BEST4: variants seen among roughly 807,000 people sequenced by gnomAD.
The protein encoded by BEST4 is bestrophin-4.
Under a neutral mutation model 47.1 loss-of-function variants are expected in BEST4, and 36 were observed. The ratio of observed to expected loss-of-function variants is 0.76; its 90% CI spans 0.59 to 1.01. The LOEUF is 1.01. BEST4 is among the 50% of genes least tolerant of loss of function. BEST4 has a pLI of 0.00. For synonymous variants in BEST4, 250 were observed against 277.8 expected (o/e 0.90, Z 1.00); for missense variants, 550 against 648.6 (o/e 0.85, Z 1.65).
Position 44,786,201 on chromosome 1 carries a change from T to A in BEST4, c.509A>T (p.Lys170Met), listed in dbSNP as rs1651213483. The A allele has an allele frequency of 6.2e-7, 1 of 1,613,648 alleles. No individual in the cohort carries two copies. The highest frequency in any genetic ancestry group is 1.1e-5 in the South Asian group (1 of 91,042). The stretch of plus-strand genomic sequence containing the variant: ...GAAGTCGGATTTCAGGCTCTCAAAC[T>A]TTTTCCTCTCTTCCTGGGACATGAA... The part of the protein sequence containing the change: ...AGFMSQEERK[K>M]FESLKSDFNK... Residue 170 changes from lysine to methionine, a missense_variant, in exon 4 of 9, where the codon AAG becomes ATG. Lys to Met is a moderately conservative substitution (Grantham distance 95). This residue lies in a region of BEST4 where 291 missense variants were observed against 342.4 expected (regional missense o/e 0.85). Transcript: ENST00000372207. The surrounding 1 kb of genome is among the most constrained non-coding windows in gnomAD (Gnocchi z 4.9).
upstream of BEST4, among the ~76,000 whole-genome samples, chr1:44,790,272 ACAGTGCTGGATCCTG>A (rs1422281940): frequency 2.0e-5 from 3 of 152,138 alleles, no homozygotes; most frequent in African/African-American, 7.2e-5. Flanking sequence ...CCCAGACCAA[ACAGTGCTGGATCCTG>A]GCTTTTAAGC....
chr1:44,786,754 G>A lies in BEST4; in HGVS notation c.248-58C>T. The A allele has an allele frequency of 1.5e-6, 2 of 1,375,384 alleles. No homozygotes were observed. The allele number at this position is 1,375,384 out of a possible 1,614,324, so 85.2% of individuals were successfully genotyped here. ...GGGAGAGTGGAGAGCCTGGGGGTCG[G>A]AGCGCCTCACCTCCCCCAGCAAAGG... On this transcript the variant is annotated intron_variant, in intron 2 of 8. Coordinates refer to ENST00000372207, the MANE Select transcript of BEST4 (RefSeq NM_153274.3). The surrounding 1 kb of genome is among the most constrained non-coding windows in gnomAD (Gnocchi z 4.9).
At position 44,787,674 on chromosome 1, in the gene BEST4, T is replaced by A; in HGVS notation, c.32A>T (p.Glu11Val). The change falls in exon 1 of 9, where the codon GAG (glutamate) becomes GTG (valine). Residue 11 changes from glutamate to valine, a missense_variant. By Grantham distance (121) the Glu-to-Val change is moderately radical. Coordinates refer to ENST00000372207, the MANE Select transcript of BEST4 (RefSeq NM_153274.3). The stretch of plus-strand genomic sequence containing the variant: ...GCCAGAGAAACCTCCGAAGCGGGCC[T>A]CCGCCACTTTGAGAGTGTATGAAAC... MTVSYTLKVA[E>V]ARFGGFSGLL... 2 of 1,614,110 alleles carry A rather than the reference T, an allele frequency of 1.2e-6. No homozygotes were observed.
rs1485542675 is a variant in BEST4 at position 44,784,220 on chromosome 1, A to G, written c.1412T>C (p.Leu471Pro). 2 of 1,444,208 alleles carry G rather than the reference A, an allele frequency of 1.4e-6. No homozygotes were observed. The highest frequency in any genetic ancestry group is 1.5e-5 in the African/African-American group (1 of 67,042). The allele number at this position is 1,444,208 out of a possible 1,614,324, so 89.5% of individuals were successfully genotyped here. ...GGGGCAGGCGAGACCTCAGGGCTCCAGGGCCTCGTCCCCGGACTCCGCCGA... is the reference window on the plus strand; with the variant it reads ...GGGGCAGGCGAGACCTCAGGGCTCCGGGGCCTCGTCCCCGGACTCCGCCGA... Reference protein sequence around the residue: ...EESAESGDEALEP With the variant: ...EESAESGDEAPEP Residue 471 changes from leucine (L) to proline (P), a missense_variant, in exon 9 of 9, where the codon CTG becomes CCG. Leu to Pro is a moderately conservative substitution (Grantham distance 98). This residue lies in a region of BEST4 where 255 missense variants were observed against 286.6 expected (regional missense o/e 0.89). Coordinates refer to ENST00000372207, the MANE Select transcript of BEST4 (RefSeq NM_153274.3). The surrounding 1 kb of genome is among the most constrained non-coding windows in gnomAD (Gnocchi z 6.2).
rs781304590 is a variant in BEST4 at position 44,783,869 on chromosome 1, C to T, written c.*341G>A. 1.4e-5 allele frequency: 3 copies of T among 221,760 alleles called. No homozygotes were observed. The highest frequency in any genetic ancestry group is 5.8e-5 in the Admixed American group (1 of 17,228). 13.7% of individuals were successfully genotyped at this position (221,760 alleles called of 1,614,324 possible). A position where few individuals can be genotyped will look rare whatever the true frequency, so the allele number is the denominator to read the frequency against. Reference sequence around the variant, plus strand: ...CCAGCACTCTTTTGACAAGACCTTCCGTGATGCTGATCCTTCCTTAAGTTT... The same window carrying T: ...CCAGCACTCTTTTGACAAGACCTTCTGTGATGCTGATCCTTCCTTAAGTTT... On this transcript the variant is annotated 3_prime_UTR_variant, in exon 9 of 9. Coordinates refer to ENST00000372207, the MANE Select transcript of BEST4 (RefSeq NM_153274.3).
Position 44,785,297 on chromosome 1 carries a change from G to T in BEST4, c.723C>A (p.Thr241=). ...GGGCAAAGAAAGAGTAGACGGCTAT[G>T]GTCACCACCTGGAGAATGAAGAGCC... ...SIPLVYTQVV[T]IAVYSFFALS... The change falls in exon 6 of 9, where the codon ACC becomes ACA. Residue 241 remains threonine (T), a synonymous_variant. Transcript: ENST00000372207. 6.3e-7 allele frequency: 1 copy of T among 1,595,324 alleles called. No individual in the cohort carries two copies. Among genetic ancestry groups the T allele is most frequent in the South Asian group, 1.1e-5 (1 of 88,824 alleles).
chr1:44,790,330 C>T (rs919982573), upstream of BEST4, among the ~76,000 whole-genome samples: 3 of 152,188 alleles, frequency 2.0e-5, no homozygotes, highest in African/African-American at 7.2e-5. Context: ...ACTTACCCAC[C>T]TCTACCCTCA....
In BEST4 at chr1:44,783,866, T is replaced by C. The variant is rs983211371; in HGVS notation, c.*344A>G. ...TGCCCAGCACTCTTTTGACAAGACCTTCCGTGATGCTGATCCTTCCTTAAG... is the reference window on the plus strand; with the variant it reads ...TGCCCAGCACTCTTTTGACAAGACCCTCCGTGATGCTGATCCTTCCTTAAG... On this transcript the variant is annotated 3_prime_UTR_variant, in exon 9 of 9. Coordinates refer to ENST00000372207, the MANE Select transcript of BEST4 (RefSeq NM_153274.3). The C allele has an allele frequency of 4.6e-6, 1 of 216,622 alleles. No individual in the cohort carries two copies. Among genetic ancestry groups the C allele is most frequent in the Non-Finnish European group, 9.0e-6 (1 of 111,024 alleles). 13.4% of individuals were successfully genotyped at this position (216,622 alleles called of 1,614,324 possible). A position where few individuals can be genotyped will look rare whatever the true frequency, so the allele number is the denominator to read the frequency against.
upstream of BEST4, among the ~76,000 whole-genome samples, chr1:44,789,127 G>A (rs1038541783): frequency 1.3e-5 from 2 of 151,160 alleles, no homozygotes; most frequent in African/African-American, 2.4e-5. Flanking sequence ...GTGGTGGCAC[G>A]AACTTGTAAT....
rs774553146 is a variant in BEST4, at chr1:44,784,601, C to A, written c.1148+28G>T. On this transcript the variant is annotated intron_variant, in intron 8 of 8. Transcript: ENST00000372207. This position sits in a 1 kb window ranked among gnomAD's most constrained non-coding sequence, Gnocchi z 6.2. ...AGAGGCTGAGCGAGGACCCGCGTGC[C>A]GGGTCAGGCCCAGTGCAAGCCACTC... 2 of 1,603,134 alleles carry A rather than the reference C, an allele frequency of 1.2e-6. No individual in the cohort carries two copies. Among genetic ancestry groups the A allele is most frequent in the Non-Finnish European group, 1.7e-6 (2 of 1,175,700 alleles).
upstream of BEST4, among the ~76,000 whole-genome samples, chr1:44,790,998 T>A (rs1468850399): frequency 6.6e-6 from 1 of 152,064 alleles, no homozygotes; most frequent in Non-Finnish European, 1.5e-5. Context: ...TTTCTTCTCA[T>A]CCTTCCCTCC....
In BEST4 at chr1:44,784,274, G is replaced by A. The variant is rs981199645; in HGVS notation, c.1358C>T (p.Pro453Leu). Residue 453 changes from proline to leucine, a missense_variant, in exon 9 of 9, where the codon CCC becomes CTC. Transcript: ENST00000372207. The surrounding 1 kb of genome is among the most constrained non-coding windows in gnomAD (Gnocchi z 6.2). ...LRFRAEEGGD[P>L]EAAARIEEES... ...CTCCTCGATGCGGGCTGCGGCCTCG[G>A]GGTCGCCGCCCTCCTCCGCCCGGAA... 3 of 1,435,510 alleles carry A rather than the reference G, an allele frequency of 2.1e-6. No individual in the cohort carries two copies. The highest frequency in any genetic ancestry group is 1.8e-6 in the Non-Finnish European group (2 of 1,104,734). 88.9% of individuals were successfully genotyped at this position (1,435,510 alleles called of 1,614,324 possible).
chr1:44,783,935 C>T lies in BEST4; in HGVS notation c.*275G>A, dbSNP rs1651115935. ...AGCTCCCTGTTGCTGTGAAGCTAAC[C>T]GTGCACCTGGGCTCTAGTCCTCTAT... On this transcript the variant is annotated 3_prime_UTR_variant, in exon 9 of 9. Transcript: ENST00000372207. 1 of 354,338 alleles carries T rather than the reference C, an allele frequency of 2.8e-6. No homozygotes were observed. The highest frequency in any genetic ancestry group is 4.3e-5 in the East Asian group (1 of 23,228). 21.9% of individuals were successfully genotyped at this position (354,338 alleles called of 1,614,324 possible).
At position 44,784,764 on chromosome 1, in the gene BEST4, T is replaced by C. The variant is rs1651159979; in HGVS notation, c.1013A>G (p.Asp338Gly). The C allele has an allele frequency of 1.9e-6, 3 of 1,595,496 alleles. No homozygotes were observed. The highest frequency in any genetic ancestry group is 2.7e-5 in the African/African-American group (2 of 74,720). The change falls in exon 8 of 9, where the codon GAC becomes GGC. Residue 338 changes from aspartate (D) to glycine (G), a missense_variant. Coordinates refer to ENST00000372207, the MANE Select transcript of BEST4 (RefSeq NM_153274.3). The surrounding 1 kb of genome is among the most constrained non-coding windows in gnomAD (Gnocchi z 6.2). ...RNLQVSLLSV[D>G]EMYQNLPPAE... ...GGGGGGAAGGTTCTGGTACATTTCGTCCACGGATAGCAGGGACACCTGGGC... is the reference window on the plus strand; with the variant it reads ...GGGGGGAAGGTTCTGGTACATTTCGCCCACGGATAGCAGGGACACCTGGGC...
rs1416106994 is a variant in BEST4, at chr1:44,786,545, G to T, written c.399C>A (p.Asn133Lys). 6.4e-7 allele frequency: 1 copy of T among 1,550,680 alleles called. No individual in the cohort carries two copies. The highest frequency in any genetic ancestry group is 2.4e-5 in the East Asian group (1 of 41,176). Residue 133 changes from asparagine (N) to lysine (K), a missense_variant, in exon 3 of 9, where the codon AAC becomes AAA. By Grantham distance (94) the Asn-to-Lys change is moderately conservative. Around this residue, in one of 3 missense-constraint regions of BEST4, gnomAD observed 291 missense variants for 342.4 expected, o/e 0.85. Coordinates refer to ENST00000372207, the MANE Select transcript of BEST4 (RefSeq NM_153274.3). This position sits in a 1 kb window ranked among gnomAD's most constrained non-coding sequence, Gnocchi z 4.9. ...AGCGCAGCACCAGCACGGACGCCAG[G>T]TTCGCGTAGCGGATGAGGGTGCGGC... ...LLRRTLIRYANLASVLVLRSV... is the reference protein window; with the variant it reads ...LLRRTLIRYAKLASVLVLRSV...
Position 44,786,162 on chromosome 1 carries a change from AC to A in BEST4, c.547del (p.Val183SerfsTer32), listed in dbSNP as rs779510830. Reference sequence around the variant, plus strand: ...CAGGTTGGTGAACCAGACGCAGGGGACCCAGTACTTGTTGAAGTCGGATTTC... The same window carrying A: ...CAGGTTGGTGAACCAGACGCAGGGGACCAGTACTTGTTGAAGTCGGATTTC... ...SLKSDFNKYW[V>X]PCVWFTNLAA... On this transcript the variant is annotated frameshift_variant, in exon 4 of 9. Transcript: ENST00000372207. LOFTEE classifies it high-confidence loss of function. This position sits in a 1 kb window ranked among gnomAD's most constrained non-coding sequence, Gnocchi z 4.9. The A allele has an allele frequency of 1.6e-5, 26 of 1,613,930 alleles. No homozygotes were observed. In the Admixed American group the frequency reaches 4.3e-4, roughly 27 times the overall value.
upstream of BEST4, among the ~76,000 whole-genome samples, chr1:44,788,209 C>T (rs986022365): frequency 2.0e-5 from 3 of 152,208 alleles, no homozygotes; most frequent in Admixed American, 6.6e-5. Context: ...AGTACCTCTG[C>T]AGTCCATAAA....
chr1:44,784,695 G>A lies in BEST4; in HGVS notation c.1082C>T (p.Pro361Leu), dbSNP rs772145581. 2.1e-5 allele frequency: 34 copies of A among 1,612,442 alleles called. No homozygotes were observed. Among genetic ancestry groups the A allele is most frequent in the Non-Finnish European group, 3.4e-6 (4 of 1,179,400 alleles). Residue 361 changes from proline to leucine, a missense_variant, in exon 8 of 9, where the codon CCC becomes CTC. This residue lies in a region of BEST4 where 255 missense variants were observed against 286.6 expected (regional missense o/e 0.89). Transcript: ENST00000372207. The surrounding 1 kb of genome is among the most constrained non-coding windows in gnomAD (Gnocchi z 6.2). Reference sequence around the variant, plus strand: ...CTCGGCCGCCGTGGCCACAGTGTAGGGTGGCTGCGGCTGGTCCTCATCCCA... The same window carrying A: ...CTCGGCCGCCGTGGCCACAGTGTAGAGTGGCTGCGGCTGGTCCTCATCCCA... ...QYWDEDQPQP[P>L]YTVATAAESL...
At chr1:44,791,768 T>A (rs1203042084), upstream of BEST4, among the ~76,000 whole-genome samples, 1 of 151,740 alleles carries the variant, frequency 6.6e-6, no homozygotes, top group Non-Finnish European at 1.5e-5. Context: ...CTCCTCTCCC[T>A]CCCTATTGGT....
Sources: allele counts gnomAD v4.1 joint callset (sites outside exome capture counted in the v4.1 genomes callset), GRCh38; gene constraint gnomAD v4.1.1; regional missense constraint gnomAD v4.1.1; non-coding constraint Gnocchi (gnomAD v3.1); transcripts MANE v1.5; gene names NCBI Gene and HGNC (gene_info 2026-07-23, HGNC 2026-07-21).